CACNG4: variants seen among roughly 807,000 people sequenced by gnomAD.
The protein encoded by CACNG4 is voltage-dependent calcium channel gamma-4 subunit.
CACNG4 carries 8 observed loss-of-function variants against 22.9 expected under a neutral mutation model. The observed-to-expected ratio is 0.35, with a 90% confidence interval of 0.21 to 0.63. The LOEUF (loss-of-function observed/expected upper bound fraction) is 0.63. Among genes scored for constraint, CACNG4 ranks in the 30% least tolerant of loss-of-function variants. CACNG4 has a pLI of 0.72. For missense variants in CACNG4, 357 were observed against 455.4 expected (o/e 0.78, Z 1.97); for synonymous variants, 188 against 191.9 (o/e 0.98, Z 0.17).
At chr17:66,975,784 C>T (rs1044387911) in intron 1 of CACNG4, among the ~76,000 whole-genome samples, 3 of 152,226 alleles carry the variant, frequency 2.0e-5, no homozygotes, top group African/African-American at 7.2e-5. Flanking sequence ...TTCTGAATGG[C>T]TCCTGTGAAC....
At chr17:67,024,798 A>G (rs1319093710) in intron 2 of CACNG4, 62 bp from the exon 3 acceptor site, 1 of 1,426,558 alleles carries the variant, frequency 7.0e-7, no homozygotes, top group African/African-American at 1.5e-5. Context: ...ATACGCAGCC[A>G]TGCCCGGGAG....
At chr17:67,025,742 G>A (rs541993584) in intron 3 of CACNG4, among the ~76,000 whole-genome samples, 17 of 152,376 alleles carry the variant, frequency 1.1e-4, no homozygotes, top group Admixed American at 2.6e-4. Flanking sequence ...TGCCGCACAC[G>A]TGGGCCTCCC....
chr17:66,978,572 G>T (rs531840939), intron 1 of CACNG4, among the ~76,000 whole-genome samples: 2 of 152,154 alleles, frequency 1.3e-5, no homozygotes, highest in African/African-American at 4.8e-5. Context: ...TCCAGGGGCC[G>T]GACAGTCCGG....
intron 1 of CACNG4, among the ~76,000 whole-genome samples, chr17:66,970,060 T>C (rs943001251): frequency 6.6e-6 from 1 of 152,212 alleles, no homozygotes; most frequent in Non-Finnish European, 1.5e-5. Context: ...GCCATCACTA[T>C]GGAAGACCTT....
intron 1 of CACNG4, among the ~76,000 whole-genome samples, chr17:67,004,374 C>T (rs1400991395): frequency 2.6e-5 from 4 of 152,114 alleles, no homozygotes; most frequent in South Asian, 2.1e-4. Flanking sequence ...TTGGAGGAGG[C>T]GTGAGGCTGG....
In CACNG4 at chr17:66,994,395, C is replaced by G. The variant is rs1006678139; in HGVS notation, c.221-23794C>G. Among the ~76,000 whole-genome samples, 3 of 152,058 alleles carry G rather than the reference C, an allele frequency of 2.0e-5. No homozygotes were observed. The East Asian group carries it at 5.8e-4, about 29-fold the overall frequency. ...CGCATGGAAAAGGTGCCTCAGCACACCGTGTGTGTCAGGACCTCGCGTGTT... is the reference window on the plus strand; with the variant it reads ...CGCATGGAAAAGGTGCCTCAGCACAGCGTGTGTGTCAGGACCTCGCGTGTT... On this transcript the variant is annotated intron_variant, in intron 1 of 3. Transcript: ENST00000262138.
chr17:66,995,198 G>A (rs1291332677), intron 1 of CACNG4, among the ~76,000 whole-genome samples: 4 of 152,170 alleles, frequency 2.6e-5, no homozygotes, highest in Non-Finnish European at 4.4e-5. Context: ...TTTTCCAGCT[G>A]TTATTTGCAC....
chr17:67,028,107 A>G (rs2035579106), intron 3 of CACNG4, among the ~76,000 whole-genome samples: 1 of 152,188 alleles, frequency 6.6e-6, no homozygotes, highest in Non-Finnish European at 1.5e-5. Context: ...CAGAAGAGAC[A>G]AGGAGTTGAA....
At chr17:66,994,542 G>GC (rs1055280860) in intron 1 of CACNG4, among the ~76,000 whole-genome samples, 2 of 152,122 alleles carry the variant, frequency 1.3e-5, no homozygotes, top group Non-Finnish European at 2.9e-5. Context: ...TGCCACCCTG[G>GC]CCCCCCAGGG....
At chr17:67,006,646 TTGTCTCATAG>T (rs1418590556) in intron 1 of CACNG4, among the ~76,000 whole-genome samples, 1 of 152,160 alleles carries the variant, frequency 6.6e-6, no homozygotes, top group Non-Finnish European at 1.5e-5. Context: ...AACCTGCTCC[TTGTCTCATAG>T]TGTCACTGGC....
chr17:66,995,033 C>T (rs1598111281), intron 1 of CACNG4, among the ~76,000 whole-genome samples: 2 of 152,080 alleles, frequency 1.3e-5, no homozygotes, highest in Non-Finnish European at 2.9e-5. Context: ...AACAAGTTTC[C>T]CCCCGGGCCA....
rs370110249 is a variant in CACNG4, at chr17:67,024,840, C to G, written c.305-20C>G. ...TGATCTCACTGCCCTCTGCTTTGTG[C>G]CCCCCACCTCCCCGGCCAGGCATCG... On this transcript the variant is annotated intron_variant, in intron 2 of 3. Coordinates refer to ENST00000262138, the MANE Select transcript of CACNG4 (RefSeq NM_014405.4). The G allele has an allele frequency of 1.3e-6, 2 of 1,514,694 alleles. No homozygotes were observed. Among genetic ancestry groups the G allele is most frequent in the East Asian group, 2.5e-5 (1 of 40,308 alleles). 93.8% of individuals were successfully genotyped at this position (1,514,694 alleles called of 1,614,324 possible).
At chr17:66,965,840 C>T (rs1273333357) in intron 1 of CACNG4, among the ~76,000 whole-genome samples, 1 of 152,118 alleles carries the variant, frequency 6.6e-6, no homozygotes, top group Non-Finnish European at 1.5e-5. Context: ...GCCCGCTCCT[C>T]GCTGTGCGGT....
At chr17:67,015,358 C>T (rs9895761) in intron 1 of CACNG4, among the ~76,000 whole-genome samples, 1 of 152,034 alleles carries the variant, frequency 6.6e-6, no homozygotes, top group East Asian at 1.9e-4. Context: ...TTCCTGGATG[C>T]CTTGGGTCAG....
In CACNG4 at chr17:66,964,838, C is replaced by CT; in HGVS notation, c.-74_-73insT. On this transcript the variant is annotated 5_prime_UTR_variant, in exon 1 of 4. Transcript: ENST00000262138. ...CCCCCCAACCCCGGCGCCCCCGGAG[C>CT]GGCGCGCGGAGGGAGGAGGGCGGGC... 1.1e-6 allele frequency: 1 copy of CT among 885,624 alleles called. No individual in the cohort carries two copies. Among genetic ancestry groups the CT allele is most frequent in the Non-Finnish European group, 1.4e-6 (1 of 720,924 alleles). 54.9% of individuals were successfully genotyped at this position (885,624 alleles called of 1,614,324 possible).
chr17:67,018,912 C>G (rs865924925), intron 2 of CACNG4, among the ~76,000 whole-genome samples: 2 of 152,014 alleles, frequency 1.3e-5, no homozygotes, highest in African/African-American at 2.4e-5. Flanking sequence ...GACTGAAGCC[C>G]GGAAGTCACA....
At chr17:67,024,775 G>T (rs1336797423) in intron 2 of CACNG4, 85 bp from the exon 3 acceptor site, 12 of 1,362,782 alleles carry the variant, frequency 8.8e-6, no homozygotes, top group African/African-American at 1.5e-5. Flanking sequence ...GAGCTGCAAG[G>T]TTCCTGGGAG....
At position 66,988,364 on chromosome 17, in the gene CACNG4, C is replaced by T. The variant is rs2035317249; in HGVS notation, c.220+23233C>T. ...ATGTATCTCATCTCCAAACAGCCGC[C>T]GGCAAGCAGGAGAGGAAAAGGCCCT... On this transcript the variant is annotated intron_variant, in intron 1 of 3. Coordinates refer to ENST00000262138, the MANE Select transcript of CACNG4 (RefSeq NM_014405.4). Among the ~76,000 whole-genome samples the T allele has an allele frequency of 2.0e-5, 3 of 152,278 alleles. No homozygotes were observed. In the South Asian group the frequency reaches 6.2e-4, roughly 32 times the overall value.
chr17:66,976,046 G>T (rs1197586447), intron 1 of CACNG4, among the ~76,000 whole-genome samples: 1 of 152,188 alleles, frequency 6.6e-6, no homozygotes, highest in African/African-American at 2.4e-5. Context: ...GCTCGTGGGG[G>T]TTGTGACTGA....
Sources: gnomAD v4.1 joint callset for allele counts (sites outside exome capture counted in the v4.1 genomes callset) on GRCh38, gnomAD v4.1.1 for gene constraint, MANE v1.5 for transcripts, NCBI Gene and HGNC (gene_info 2026-07-23, HGNC 2026-07-21) for gene names.